Variants in TOGARAM1 observed in about 807,000 individuals in gnomAD.
TOGARAM1 encodes the protein TOG array regulator of axonemal microtubules 1.
Under a neutral mutation model 166.6 loss-of-function variants are expected in TOGARAM1, and 100 were observed. The ratio of observed to expected loss-of-function variants is 0.60; its 90% CI spans 0.51 to 0.71. The LOEUF is 0.71. TOGARAM1 is among the 30% of genes least tolerant of loss of function. TOGARAM1 has a pLI of 0.00. For missense variants in TOGARAM1, 2,029 were observed against 2,102.7 expected (o/e 0.96, Z 0.69); for synonymous variants, 758 against 763.8 (o/e 0.99, Z 0.13).
At chr14:44,987,698 G>A (rs900010068) in intron 1 of TOGARAM1, among the ~76,000 whole-genome samples, 7 of 149,990 alleles carry the variant, frequency 4.7e-5, no homozygotes, top group African/African-American at 9.9e-5. Flanking sequence ...TCAGTGTGGC[G>A]ATTCCTCAGG....
At chr14:45,045,579 ATATATGTG>A (rs1431075591) in intron 13 of TOGARAM1, among the ~76,000 whole-genome samples, 113 of 34,920 alleles carry the variant, frequency 3.2e-3, no homozygotes, top group African/African-American at 0.012. Context: ...ATATATATAT[ATATATGTG>A]TGTGTGTGTG....
chr14:45,036,775 C>G (rs1037977896), intron 11 of TOGARAM1, among the ~76,000 whole-genome samples: 1 of 152,162 alleles, frequency 6.6e-6, no homozygotes, highest in Non-Finnish European at 1.5e-5. Context: ...GAAGAATTGT[C>G]TTCCTTGTAG....
chr14:45,071,856 C>G (rs561805684), intron 19 of TOGARAM1, 58 bp downstream of exon 19: 5 of 1,309,770 alleles, frequency 3.8e-6, no homozygotes, highest in Admixed American at 4.3e-5. Flanking sequence ...AACTGATAAA[C>G]TGTTTCAATT....
intron 1 of TOGARAM1, among the ~76,000 whole-genome samples, chr14:44,971,723 C>A (rs750830095): frequency 2.6e-5 from 4 of 152,090 alleles, no homozygotes; most frequent in African/African-American, 4.8e-5. Context: ...CACTGCATAC[C>A]GCAAATCTTG....
Position 44,963,777 on chromosome 14 carries a change from A to G in TOGARAM1, c.1356A>G (p.Lys452=). The part of the protein sequence containing the change: ...KVLADNKLVI[K]QEYMKIFLKL... ...TGGCGGACAACAAGTTGGTGATCAAACAAGAATACATGAAAATCTTCCTCA... is the reference window on the plus strand; with the variant it reads ...TGGCGGACAACAAGTTGGTGATCAAGCAAGAATACATGAAAATCTTCCTCA... Residue 452 remains lysine (K), a synonymous_variant, in exon 1 of 20, where the codon AAA becomes AAG. Transcript: ENST00000361462. 6.2e-7 allele frequency: 1 copy of G among 1,614,088 alleles called. No homozygotes were observed. Among genetic ancestry groups the G allele is most frequent in the Non-Finnish European group, 8.5e-7 (1 of 1,179,962 alleles).
intron 5 of TOGARAM1, among the ~76,000 whole-genome samples, chr14:45,008,677 T>G (rs1307339506): frequency 1.3e-5 from 2 of 152,142 alleles, no homozygotes; most frequent in African/African-American, 4.8e-5. Context: ...TGATGAACAA[T>G]AGCTGAGATT....
chr14:45,003,667 G>A (rs1409753872), intron 3 of TOGARAM1, among the ~76,000 whole-genome samples: 1 of 144,552 alleles, frequency 6.9e-6, no homozygotes, highest in Non-Finnish European at 1.5e-5. Flanking sequence ...TTGATGATAG[G>A]GAAAATATGC....
chr14:45,072,324 C>T (rs1031902477), intron 19 of TOGARAM1, among the ~76,000 whole-genome samples: 5 of 152,068 alleles, frequency 3.3e-5, no homozygotes, highest in African/African-American at 7.2e-5. Context: ...TGTCTCAGGC[C>T]GGACTGGGTT....
chr14:44,994,082 T>C (rs550963056), intron 1 of TOGARAM1, among the ~76,000 whole-genome samples: 1 of 152,172 alleles, frequency 6.6e-6, no homozygotes, highest in African/African-American at 2.4e-5. Flanking sequence ...TTTGAGACAG[T>C]AAAGTCAATC....
Position 45,054,484 on chromosome 14 carries a change from T to G in TOGARAM1, c.4494T>G (p.His1498Gln). ...DTPSAKGRRS[H>Q]TGSVGNTRSS... ...CTTCAGCAAAAGGAAGACGATCTCA[T>G]ACTGGCAGTGTTGGAAATACAAGAT... is the stretch of plus-strand genomic sequence containing the variant. Residue 1498 changes from histidine (H) to glutamine (Q), a missense_variant, in exon 16 of 20, where the codon CAT (histidine) becomes CAG (glutamine). Physicochemically the swap from His to Gln is conservative, Grantham distance 24. This residue lies in a region of TOGARAM1 where 576 missense variants were observed against 670.5 expected (regional missense o/e 0.86). Transcript: ENST00000361462. The G allele has an allele frequency of 6.2e-7, 1 of 1,613,704 alleles. No homozygotes were observed. The highest frequency in any genetic ancestry group is 8.5e-7 in the Non-Finnish European group (1 of 1,179,792).
rs776486558 is a variant in TOGARAM1 at position 45,006,218 on chromosome 14, T to C, written c.2855T>C (p.Ile952Thr). ...AAGTGTGAAAAAGATAGTCTTCCAA[T>C]TGATCTTTCAGAATTAAATTTCAAG... ...IWKCEKDSLP[I>T]DLSELNFKDK... Residue 952 changes from isoleucine to threonine, a missense_variant, in exon 5 of 20, where the codon ATT (isoleucine) becomes ACT (threonine). Ile to Thr is a moderately conservative substitution (Grantham distance 89). Transcript: ENST00000361462. The C allele has an allele frequency of 1.1e-5, 17 of 1,612,956 alleles. No individual in the cohort carries two copies. Among genetic ancestry groups the C allele is most frequent in the Non-Finnish European group, 1.4e-5 (17 of 1,179,042 alleles).
intron 1 of TOGARAM1, among the ~76,000 whole-genome samples, chr14:44,971,764 T>C (rs1366013330): frequency 6.6e-6 from 1 of 152,232 alleles, no homozygotes; most frequent in African/African-American, 2.4e-5. Context: ...TTTCAAAATA[T>C]TTAAAAATTT....
intron 16 of TOGARAM1, among the ~76,000 whole-genome samples, chr14:45,063,242 T>G (rs968748023): frequency 8.5e-5 from 13 of 152,194 alleles, no homozygotes; most frequent in African/African-American, 3.1e-4. Flanking sequence ...GTTTATCTAT[T>G]CATCAGTTTG....
rs547801971 is a variant in TOGARAM1 at position 45,020,256 on chromosome 14, T to C, written c.3239-5527T>C. 1.3e-4 allele frequency among the ~76,000 whole-genome samples: 20 copies of C among 152,294 alleles called. No individual in the cohort carries two copies. In the South Asian group the frequency reaches 4.1e-3, roughly 32 times the overall value. ...TCTCGAATTTCTTTAACTTTCTCAGTGATGATTCCAGATTGATTAACATAA... is the reference window on the plus strand; with the variant it reads ...TCTCGAATTTCTTTAACTTTCTCAGCGATGATTCCAGATTGATTAACATAA... On this transcript the variant is annotated intron_variant, in intron 7 of 19. Transcript: ENST00000361462.
intron 7 of TOGARAM1, among the ~76,000 whole-genome samples, chr14:45,014,141 G>T (rs10145792): frequency 6.6e-6 from 1 of 150,886 alleles, no homozygotes; most frequent in Non-Finnish European, 1.5e-5. Flanking sequence ...CGCCTCCCAG[G>T]TTCATGCCAT....
At chr14:45,041,244 T>TA (rs1381461623) in intron 11 of TOGARAM1, among the ~76,000 whole-genome samples, 1 of 151,500 alleles carries the variant, frequency 6.6e-6, no homozygotes, top group Admixed American at 6.6e-5. Context: ...CTCCTAAAAA[T>TA]ACAATAATTA....
intron 14 of TOGARAM1, among the ~76,000 whole-genome samples, chr14:45,050,383 G>C (rs1882302103): frequency 6.6e-6 from 1 of 152,090 alleles, no homozygotes; most frequent in Admixed American, 6.6e-5. Context: ...CTCCCGAGTA[G>C]CTGGGACTAC....
intron 1 of TOGARAM1, among the ~76,000 whole-genome samples, chr14:44,968,337 G>A (rs1284810257): frequency 2.0e-5 from 3 of 152,148 alleles, no homozygotes; most frequent in Non-Finnish European, 2.9e-5. Context: ...TCGGCTCACT[G>A]CAAGCTCCGC....
At chr14:45,048,668 A>G (rs910548619) in intron 14 of TOGARAM1, among the ~76,000 whole-genome samples, 4 of 152,078 alleles carry the variant, frequency 2.6e-5, no homozygotes, top group East Asian at 1.9e-4. Flanking sequence ...GCCAAATTCA[A>G]TTCCTTGTGG....
Sources: gnomAD v4.1 joint callset for allele counts (sites outside exome capture counted in the v4.1 genomes callset) on GRCh38, gnomAD v4.1.1 for gene constraint, gnomAD v4.1.1 regional missense constraint, MANE v1.5 for transcripts, NCBI Gene and HGNC (gene_info 2026-07-23, HGNC 2026-07-21) for gene names.